Variants in DNAH12 observed in about 807,000 individuals in gnomAD.
The protein encoded by DNAH12 is dynein axonemal heavy chain 12, also known as axonemal beta dynein heavy chain 12.
A neutral mutation model predicts 371.5 loss-of-function variants in DNAH12; 285 were observed. That is an observed-to-expected ratio of 0.77 (90% CI 0.70 to 0.85). The LOEUF (loss-of-function observed/expected upper bound fraction) is 0.85, where lower values mean the gene tolerates loss of function less well. Among genes scored for constraint, DNAH12 ranks in the 40% least tolerant of loss-of-function variants. The pLI is 0.00. For synonymous variants in DNAH12, 1,200 were observed against 1,213.0 expected, an observed-to-expected ratio of 0.99 and a Z score of 0.22; for missense variants, 3,611 against 3,689.4, an observed-to-expected ratio of 0.98 and a Z score of 0.55.
intron 55 of DNAH12, among the ~76,000 whole-genome samples, chr3:57,371,207 C>G (rs1166897625): frequency 2.6e-5 from 4 of 152,058 alleles, no homozygotes; most frequent in African/African-American, 9.7e-5. Context: ...TGAAAGTTTA[C>G]CCCTACTGCC....
intron 7 of DNAH12, 24 bp from the exon 8 acceptor site, chr3:57,507,862 G>A (rs777319652): frequency 6.5e-7 from 1 of 1,539,468 alleles, no homozygotes; most frequent in East Asian, 2.4e-5. Context: ...AAAGAAATGT[G>A]ATTTGAAGCA....
At chr3:57,346,467 G>A (rs1553658088) in intron 60 of DNAH12, among the ~76,000 whole-genome samples, 1 of 152,004 alleles carries the variant, frequency 6.6e-6, no homozygotes, top group South Asian at 2.1e-4. Flanking sequence ...TCTGCTAAGA[G>A]AAGAGAAAAA....
At position 57,405,887 on chromosome 3, in the gene DNAH12, C is replaced by T. The variant is rs2064010689; in HGVS notation, c.6342G>A (p.Leu2114=). 4 of 1,551,146 alleles carry T rather than the reference C, an allele frequency of 2.6e-6. No homozygotes were observed. The South Asian group carries it at 4.8e-5, about 18-fold the overall frequency. Residue 2114 remains leucine, a synonymous_variant, in exon 41 of 74, where the codon TTG becomes TTA. Coordinates refer to ENST00000495027, the MANE Select transcript of DNAH12 (RefSeq NM_001366028.2). ...TPTKSHYTFN[L]RDFSRVIRGC... ...CCCGGATGACGCGTGAAAAATCACG[C>T]AAGTTGAAAGTATAATGGGATTTTG...
chr3:57,339,393 AAAAGAAAG>A, intron 60 of DNAH12, among the ~76,000 whole-genome samples: 2 of 151,942 alleles, frequency 1.3e-5, no homozygotes, highest in Admixed American at 1.3e-4. Context: ...AAAAAAAAAA[AAAAGAAAG>A]AAAGTTGATC....
intron 73 of DNAH12, among the ~76,000 whole-genome samples, chr3:57,294,176 CTTT>C (rs62779960): frequency 2.2e-4 from 29 of 129,070 alleles, no homozygotes; most frequent in Admixed American, 1.2e-3. Flanking sequence ...CTTTTCTTTT[CTTT>C]TTTTTTTTTT....
chr3:57,504,828 T>A (rs759089579), intron 8 of DNAH12, among the ~76,000 whole-genome samples: 2 of 152,106 alleles, frequency 1.3e-5, no homozygotes, highest in Non-Finnish European at 2.9e-5. Context: ...AAATACTAGG[T>A]CTTATTCATT....
intron 29 of DNAH12, among the ~76,000 whole-genome samples, chr3:57,438,374 A>G (rs1209241244): frequency 6.6e-6 from 1 of 152,154 alleles, no homozygotes; most frequent in East Asian, 1.9e-4. Context: ...AGCCTGTATA[A>G]TTATTTTATA....
chr3:57,521,154 T>A (rs1408942756), intron 4 of DNAH12, among the ~76,000 whole-genome samples: 1 of 151,746 alleles, frequency 6.6e-6, no homozygotes, highest in Non-Finnish European at 1.5e-5. Flanking sequence ...TAGGCTAGAT[T>A]TTTCTAAAAG....
chr3:57,415,118 C>T (rs1389085897), intron 38 of DNAH12, among the ~76,000 whole-genome samples: 3 of 151,898 alleles, frequency 2.0e-5, no homozygotes, highest in Non-Finnish European at 4.4e-5. Context: ...CCTGCCCCAC[C>T]CTATGTGTGT....
At position 57,506,192 on chromosome 3, in the gene DNAH12, A is replaced by C. The variant is rs905561002; in HGVS notation, c.897+1451T>G. ...AGACTGAAGGGAGGGGAGGTCTGAC[A>C]GCCAGAGGTAAGTGTGTAATGGGGG... On this transcript the variant is annotated intron_variant, in intron 8 of 73. Transcript: ENST00000495027. Among the ~76,000 whole-genome samples the C allele has an allele frequency of 2.0e-5, 3 of 152,200 alleles. No homozygotes were observed. In the East Asian group the frequency reaches 5.8e-4, roughly 29 times the overall value.
upstream of DNAH12, among the ~76,000 whole-genome samples, chr3:57,545,497 A>C (rs2069502499): frequency 1.3e-5 from 2 of 151,484 alleles, no homozygotes; most frequent in South Asian, 4.2e-4. Flanking sequence ...GACAGATTAG[A>C]CAGTTTTTTT....
At chr3:57,520,006 G>A in intron 4 of DNAH12, 4 of 787,526 alleles carry the variant, frequency 5.1e-6, no homozygotes, top group Non-Finnish European at 8.7e-6. Context: ...TTCCACGTCG[G>A]CCATGGTAGC....
intron 62 of DNAH12, among the ~76,000 whole-genome samples, chr3:57,327,375 C>A (rs943003192): frequency 2.0e-5 from 3 of 151,934 alleles, no homozygotes; most frequent in African/African-American, 7.3e-5. Context: ...GACCACAGTG[C>A]AATCAAACTA....
chr3:57,406,326 C>A (rs1406968252), intron 40 of DNAH12, among the ~76,000 whole-genome samples: 3 of 140,882 alleles, frequency 2.1e-5, no homozygotes, highest in African/African-American at 7.8e-5. Context: ...CATTGCACTC[C>A]AGCCTGGGCA....
At chr3:57,499,642 AAAAAAATATATATATATATATATAT>A (rs1330963134) in intron 11 of DNAH12, among the ~76,000 whole-genome samples, 3 of 40,478 alleles carry the variant, frequency 7.4e-5, no homozygotes, top group African/African-American at 2.8e-4. Context: ...AAAAAAAAAA[AAAAAAATATATATATATATATATAT>A]ATATATATAC....
chr3:57,483,664 G>T (rs1263117315), intron 12 of DNAH12, among the ~76,000 whole-genome samples, 153 bp from the exon 13 acceptor site: 3 of 151,928 alleles, frequency 2.0e-5, no homozygotes, highest in African/African-American at 7.3e-5. Flanking sequence ...ATTTAAGCTT[G>T]GCCAGGCACA....
intron 60 of DNAH12, among the ~76,000 whole-genome samples, chr3:57,344,430 C>T (rs2062488259): frequency 6.6e-6 from 1 of 152,140 alleles, no homozygotes; most frequent in Admixed American, 6.6e-5. Flanking sequence ...CCAGTGATCC[C>T]ACAACCAGGC....
At chr3:57,320,993 G>C (rs1027738076) in intron 65 of DNAH12, among the ~76,000 whole-genome samples, 1 of 152,100 alleles carries the variant, frequency 6.6e-6, no homozygotes, top group Non-Finnish European at 1.5e-5. Flanking sequence ...CAATACTTAC[G>C]GTGCCAGCGT....
rs58165949 is a variant in DNAH12, at chr3:57,449,996, C to G, written c.3786+2847G>C. On this transcript the variant is annotated intron_variant, in intron 25 of 73. Coordinates refer to ENST00000495027, the MANE Select transcript of DNAH12 (RefSeq NM_001366028.2). ...GGCACAGTGGCTCACACCCGTAATC[C>G]CAACACTTTGGGAGGCATAGGCAGG... 8.0e-3 allele frequency among the ~76,000 whole-genome samples: 1,225 copies of G among 152,300 alleles called. 15 individuals carry two copies. Among genetic ancestry groups the G allele is most frequent in the African/African-American group, 0.027 (1,136 of 41,562 alleles).
Sources: allele counts gnomAD v4.1 joint callset (sites outside exome capture counted in the v4.1 genomes callset), GRCh38; gene constraint gnomAD v4.1.1; transcripts MANE v1.5; gene names NCBI Gene and HGNC (gene_info 2026-07-23, HGNC 2026-07-21).